Variants in PTAR1 observed in about 807,000 individuals in gnomAD.
PTAR1 encodes the protein protein prenyltransferase alpha subunit repeat-containing protein 1.
Under a neutral mutation model 45.5 loss-of-function variants are expected in PTAR1, and 17 were observed. The observed-to-expected ratio is 0.37, with a 90% confidence interval of 0.26 to 0.56. The LOEUF (loss-of-function observed/expected upper bound fraction) is 0.56, where lower values mean the gene tolerates loss of function less well. PTAR1 is among the 20% of genes least tolerant of loss of function. PTAR1 has a pLI of 0.77. For synonymous variants in PTAR1, 169 were observed against 171.3 expected, an observed-to-expected ratio of 0.99 and a Z score of 0.11; for missense variants, 391 against 476.3, an observed-to-expected ratio of 0.82 and a Z score of 1.67.
Position 69,718,399 on chromosome 9 carries a change from C to T in PTAR1, c.1152G>A (p.Val384=). The change falls in exon 8 of 8, where the codon GTG becomes GTA. Residue 384 remains valine (V), a synonymous_variant. Transcript: ENST00000340434. The part of the protein sequence containing the change: ...IDQVLSTCRN[V]EQARFASAYR... ...ATGCACTGGCAAACCTGGCTTGCTC[C>T]ACGTTCCGACAGGTGGACAATACTT... 1 of 1,613,260 alleles carries T rather than the reference C, an allele frequency of 6.2e-7. No homozygotes were observed. Among genetic ancestry groups the T allele is most frequent in the Non-Finnish European group, 8.5e-7 (1 of 1,179,442 alleles).
chr9:69,736,898 T>G (rs771963385), intron 3 of PTAR1, among the ~76,000 whole-genome samples: 9 of 152,144 alleles, frequency 5.9e-5, no homozygotes, highest in Non-Finnish European at 4.4e-5. Flanking sequence ...AATGTTAATA[T>G]ATGGACACTG....
At chr9:69,720,424 T>C (rs1296264923) in intron 6 of PTAR1, among the ~76,000 whole-genome samples, 1 of 151,640 alleles carries the variant, frequency 6.6e-6, no homozygotes, top group African/African-American at 2.4e-5. Flanking sequence ...AGAAAAAGAG[T>C]TTGGAGTTAG....
chr9:69,716,959 G>A lies in PTAR1; in HGVS notation c.*1383C>T, dbSNP rs1824751040. ...ATTGGCAAAACAAAGTATATGAAAA[G>A]AAGAAACAGACCACTTACAAAAGGG... On this transcript the variant is annotated 3_prime_UTR_variant, in exon 8 of 8. Transcript: ENST00000340434. The A allele has an allele frequency of 6.6e-6, 1 of 152,054 alleles. No homozygotes were observed. The highest frequency in any genetic ancestry group is 2.4e-5 in the African/African-American group (1 of 41,430). The allele number at this position is 152,054 out of a possible 1,614,324, so 9.4% of individuals were successfully genotyped here.
At chr9:69,739,767 T>C (rs1825958477) in intron 3 of PTAR1, among the ~76,000 whole-genome samples, 2 of 152,300 alleles carry the variant, frequency 1.3e-5, no homozygotes, top group South Asian at 4.1e-4. Context: ...TGTCAATCAA[T>C]CTTACTGATA....
At chr9:69,753,589 G>A (rs562036567) in intron 1 of PTAR1, among the ~76,000 whole-genome samples, 48 of 152,104 alleles carry the variant, frequency 3.2e-4, no homozygotes, top group Admixed American at 1.0e-3. Flanking sequence ...TAAAATGGTA[G>A]AATTGTATTA....
chr9:69,729,500 AC>A (rs1423964992), intron 5 of PTAR1, among the ~76,000 whole-genome samples: 1 of 152,176 alleles, frequency 6.6e-6, no homozygotes, highest in Non-Finnish European at 1.5e-5. Context: ...GTTTTTCACT[AC>A]TATAAATGCT....
At chr9:69,719,349 A>G (rs1470612518) in intron 6 of PTAR1, among the ~76,000 whole-genome samples, 3 of 152,132 alleles carry the variant, frequency 2.0e-5, no homozygotes, top group Non-Finnish European at 4.4e-5. Flanking sequence ...AACCACCTAC[A>G]ATTGTTTGTT....
At chr9:69,723,774 T>G (rs1825140164) in intron 5 of PTAR1, 144 bp from the exon 6 acceptor site, 2 of 643,380 alleles carry the variant, frequency 3.1e-6, no homozygotes, top group Non-Finnish European at 5.2e-6. Context: ...TCTAGCACAG[T>G]GCTCTCACTT....
rs944019739 is a variant in PTAR1, at chr9:69,712,581, T to G, written c.*5761A>C. 6.6e-6 allele frequency: 1 copy of G among 152,176 alleles called. No individual in the cohort carries two copies. Among genetic ancestry groups the G allele is most frequent in the African/African-American group, 2.4e-5 (1 of 41,452 alleles). The allele number at this position is 152,176 out of a possible 1,614,324, so 9.4% of individuals were successfully genotyped here. A position where few individuals can be genotyped will look rare whatever the true frequency, so the allele number is the denominator to read the frequency against. On this transcript the variant is annotated 3_prime_UTR_variant, in exon 8 of 8. Coordinates refer to ENST00000340434, the MANE Select transcript of PTAR1 (RefSeq NM_001099666.2). ...GCTAGTTTTATCTTTCTAGCTTTTATCAACTCTTGACTTGTTGAATTCCTA... is the reference window on the plus strand; with the variant it reads ...GCTAGTTTTATCTTTCTAGCTTTTAGCAACTCTTGACTTGTTGAATTCCTA...
rs1297336395 is a variant in PTAR1 at position 69,712,546 on chromosome 9, T to C, written c.*5796A>G. On this transcript the variant is annotated 3_prime_UTR_variant, in exon 8 of 8. Transcript: ENST00000340434. ...GCTAAGAATATGGACAATGATGATA[T>C]GATAGCTAAGCTAGTTTTATCTTTC... The C allele has an allele frequency of 6.6e-6, 1 of 152,176 alleles. No homozygotes were observed. Among genetic ancestry groups the C allele is most frequent in the East Asian group, 1.9e-4 (1 of 5,204 alleles). 9.4% of individuals were successfully genotyped at this position (152,176 alleles called of 1,614,324 possible). A position where few individuals can be genotyped will look rare whatever the true frequency, so the allele number is the denominator to read the frequency against.
At chr9:69,746,055 G>A (rs1826261006) in intron 2 of PTAR1, among the ~76,000 whole-genome samples, 1 of 152,116 alleles carries the variant, frequency 6.6e-6, no homozygotes, top group East Asian at 1.9e-4. Context: ...ACAACCATAG[G>A]CCCTTCTCTT....
chr9:69,724,995 C>G (rs1825199170), intron 5 of PTAR1, among the ~76,000 whole-genome samples: 1 of 152,094 alleles, frequency 6.6e-6, no homozygotes, highest in South Asian at 2.1e-4. Context: ...AAATGGAAAA[C>G]AGTATCTTTA....
intron 1 of PTAR1, among the ~76,000 whole-genome samples, chr9:69,754,667 G>A (rs182878842): frequency 6.7e-6 from 1 of 148,262 alleles, no homozygotes; most frequent in African/African-American, 2.5e-5. Context: ...CAGATCTCCT[G>A]AGTAGCTGGG....
At position 69,750,815 on chromosome 9, in the gene PTAR1, C is replaced by T. The variant is rs778428733; in HGVS notation, c.222G>A (p.Leu74=). 1 of 1,611,294 alleles carries T rather than the reference C, an allele frequency of 6.2e-7. No homozygotes were observed. The highest frequency in any genetic ancestry group is 8.5e-7 in the Non-Finnish European group (1 of 1,178,620). Residue 74 remains leucine (L), a synonymous_variant, in exon 2 of 8, where the codon TTG becomes TTA. Coordinates refer to ENST00000340434, the MANE Select transcript of PTAR1 (RefSeq NM_001099666.2). ...TCAGCCATTGCTTTCTTGTTCTGTA[C>T]AAAAGGAGCTTGTTGTGGACATATG... ...LLPYVHNKLL[L]YRTRKQWLNR...
intron 2 of PTAR1, among the ~76,000 whole-genome samples, chr9:69,743,972 A>G (rs924412560): frequency 2.6e-5 from 4 of 152,222 alleles, no homozygotes; most frequent in Non-Finnish European, 5.9e-5. Flanking sequence ...AAATAAATAA[A>G]GTGGTCACGG....
intron 3 of PTAR1, among the ~76,000 whole-genome samples, chr9:69,738,841 C>T (rs1190043003): frequency 7.0e-6 from 1 of 143,400 alleles, no homozygotes; most frequent in East Asian, 2.0e-4. Flanking sequence ...CGGAGTCTTG[C>T]TCTGTCACCA....
rs1490259419 is a variant in PTAR1, at chr9:69,717,804, TG to T, written c.*537del. The T allele has an allele frequency of 1.3e-5, 2 of 152,484 alleles. No individual in the cohort carries two copies. The highest frequency in any genetic ancestry group is 4.8e-5 in the African/African-American group (2 of 41,440). 9.4% of individuals were successfully genotyped at this position (152,484 alleles called of 1,614,324 possible). A position where few individuals can be genotyped will look rare whatever the true frequency, so the allele number is the denominator to read the frequency against. On this transcript the variant is annotated 3_prime_UTR_variant, in exon 8 of 8. Transcript: ENST00000340434. ...ATGGCTCACTACAGCCACAAACACC[TG>T]GGGCTCAAGCAATCCTTCTGCCTCA...
chr9:69,741,588 T>C (rs1171092753), intron 3 of PTAR1: 2 of 548,326 alleles, frequency 3.6e-6, no homozygotes, highest in Non-Finnish European at 3.3e-6. Context: ...TGACAATTTA[T>C]ATTTCAGGCA....
chr9:69,733,541 G>A (rs963620421), intron 4 of PTAR1, among the ~76,000 whole-genome samples: 1 of 152,100 alleles, frequency 6.6e-6, no homozygotes, highest in African/African-American at 2.4e-5. Flanking sequence ...CAGGTGGCCA[G>A]GATTTTGAGA....
Sources: gnomAD v4.1 joint callset for allele counts (sites outside exome capture counted in the v4.1 genomes callset) on GRCh38, gnomAD v4.1.1 for gene constraint, MANE v1.5 for transcripts, NCBI Gene and HGNC (gene_info 2026-07-23, HGNC 2026-07-21) for gene names.